XPO5: variants seen among roughly 807,000 people sequenced by gnomAD.
XPO5 encodes exportin 5.
XPO5 carries 46 observed loss-of-function variants against 160.6 expected under a neutral mutation model. The ratio of observed to expected loss-of-function variants is 0.29; its 90% CI spans 0.23 to 0.37. The LOEUF (loss-of-function observed/expected upper bound fraction) is 0.37. Ranked by LOEUF, XPO5 falls within the 10% of genes least tolerant of loss-of-function variation. XPO5 has a pLI of 1.00. For synonymous variants in XPO5, 537 were observed against 519.3 expected (o/e 1.03, Z -0.46); for missense variants, 1,090 against 1,463.9 (o/e 0.74, Z 4.17).
At chr6:43,554,018 G>C (rs889347358) in intron 13 of XPO5, among the ~76,000 whole-genome samples, 4 of 152,352 alleles carry the variant, frequency 2.6e-5, no homozygotes, top group Admixed American at 2.0e-4. Flanking sequence ...GCTATGTCTA[G>C]AGAAGGGTGC....
chr6:43,569,214 C>T (rs1762857590), intron 5 of XPO5, among the ~76,000 whole-genome samples: 1 of 151,776 alleles, frequency 6.6e-6, no homozygotes, highest in African/African-American at 2.4e-5. Flanking sequence ...ATCACTCGAA[C>T]CCGGGAGGCA....
chr6:43,548,947 G>A (rs1582223307), intron 17 of XPO5, among the ~76,000 whole-genome samples: 2 of 151,988 alleles, frequency 1.3e-5, no homozygotes, highest in African/African-American at 4.8e-5. Flanking sequence ...AGAATTATAG[G>A]GGTAAACTTA....
intron 16 of XPO5, 86 bp from the exon 17 acceptor site, chr6:43,549,664 G>A (rs1795135451): frequency 1.4e-6 from 2 of 1,455,766 alleles, no homozygotes; most frequent in South Asian, 1.3e-5. Context: ...TCTCAGTCAG[G>A]GGCAAATTCA....
chr6:43,568,224 G>A (rs574995996), intron 6 of XPO5, among the ~76,000 whole-genome samples: 5 of 152,072 alleles, frequency 3.3e-5, no homozygotes, highest in African/African-American at 9.6e-5. Context: ...GGAGAATGGC[G>A]TGAACCCAGG....
intron 14 of XPO5, among the ~76,000 whole-genome samples, chr6:43,552,657 A>G (rs1193196650): frequency 1.3e-5 from 2 of 152,178 alleles, no homozygotes; most frequent in African/African-American, 4.8e-5. Context: ...CCGGCTTATC[A>G]GCTACTTTAG....
At position 43,547,716 on chromosome 6, in the gene XPO5, T is replaced by G; in HGVS notation, c.2061-9A>C. On this transcript the variant is annotated splice_polypyrimidine_tract_variant and intron_variant, in intron 18 of 31. Transcript: ENST00000265351. ...CAACATCTGACAGCACTCTGAAGGT[T>G]GGAGGGGGAAAAACAAGTTACATCA... is the stretch of plus-strand genomic sequence containing the variant. 6.2e-7 allele frequency: 1 copy of G among 1,613,228 alleles called. No individual in the cohort carries two copies. Among genetic ancestry groups the G allele is most frequent in the Middle Eastern group, 1.6e-4 (1 of 6,062 alleles).
At chr6:43,566,811 T>TAAAAA (rs56147929) in intron 7 of XPO5, among the ~76,000 whole-genome samples, 15 of 101,628 alleles carry the variant, frequency 1.5e-4, no homozygotes, top group Non-Finnish European at 1.8e-4. Context: ...CTGTTTCAAT[T>TAAAAA]AAAAAAAAAA....
intron 21 of XPO5, 169 bp downstream of exon 21, chr6:43,533,738 G>A: frequency 2.5e-6 from 1 of 397,086 alleles, no homozygotes. Flanking sequence ...GGGAGGCTGA[G>A]GCAGGAAGAC....
chr6:43,573,818 TATA>T lies in XPO5; in HGVS notation c.106-220_106-218del, dbSNP rs1763134585. On this transcript the variant is annotated intron_variant, in intron 1 of 31. Transcript: ENST00000265351. ...CATCTCTATTAAATATATATATATATATATATTTTTTTTTTTTTTTTTTGAGAC... is the reference window on the plus strand; with the variant it reads ...CATCTCTATTAAATATATATATATATTATTTTTTTTTTTTTTTTTTGAGAC... Among the ~76,000 whole-genome samples the T allele has an allele frequency of 2.5e-5, 3 of 117,974 alleles. No homozygotes were observed. The South Asian group carries it at 8.1e-4, about 32-fold the overall frequency. 77.4% of individuals were successfully genotyped at this position (117,974 alleles called of 152,430 possible). A position where few individuals can be genotyped will look rare whatever the true frequency, so the allele number is the denominator to read the frequency against.
chr6:43,554,487 C>T (rs904502824), intron 13 of XPO5, among the ~76,000 whole-genome samples: 30 of 151,078 alleles, frequency 2.0e-4, no homozygotes, highest in African/African-American at 7.3e-4. Context: ...TGCAGTGGCA[C>T]GATCTTGGCT....
intron 20 of XPO5, among the ~76,000 whole-genome samples, chr6:43,543,881 T>A (rs1794836160): frequency 6.6e-6 from 1 of 152,128 alleles, no homozygotes; most frequent in Non-Finnish European, 1.5e-5. Flanking sequence ...TTCACCATGT[T>A]TATTGGGCTA....
rs1202717858 is a variant in XPO5, at chr6:43,562,243, T to C, written c.1011+4A>G. On this transcript the variant is annotated splice_donor_region_variant and intron_variant, in intron 9 of 31. Transcript: ENST00000265351. ...AGCTCTCCAGAAAGCAAACACTAGC[T>C]CACCAGCAATGCACACAGCTGATTG... 6.2e-7 allele frequency: 1 copy of C among 1,601,262 alleles called. No homozygotes were observed.
chr6:43,566,559 A>G (rs1762706833), intron 7 of XPO5: 2 of 323,728 alleles, frequency 6.2e-6, no homozygotes, highest in Admixed American at 3.0e-5. Context: ...CTGTAATCCC[A>G]GCACTTTAGG....
chr6:43,547,254 T>C, intron 19 of XPO5: 2 of 378,944 alleles, frequency 5.3e-6, no homozygotes, highest in South Asian at 4.5e-5. Context: ...AATCTCAGGT[T>C]TGCAAGTTAA....
At chr6:43,525,312 T>G in intron 28 of XPO5, 98 bp from the exon 29 acceptor site, 1 of 1,038,724 alleles carries the variant, frequency 9.6e-7, no homozygotes, top group Non-Finnish European at 1.4e-6. Context: ...TTTTTTTTCC[T>G]CCCCCCCTCT....
At chr6:43,565,609 AG>A (rs1762657947) in intron 8 of XPO5, 50 bp downstream of exon 8, 1 of 1,446,294 alleles carries the variant, frequency 6.9e-7, no homozygotes, top group Non-Finnish European at 9.3e-7. Context: ...CAAATAAGAT[AG>A]AAAAATGACA....
In XPO5 at chr6:43,570,330, A is replaced by AG. The variant is rs1372940614; in HGVS notation, c.621+171_621+172insC. ...CCGTCTCAAAAAAAAAAAAAAAAAA[A>AG]AAAGAAAGAAAATGAGCTCCAGTTT... On this transcript the variant is annotated intron_variant, in intron 5 of 31. Transcript: ENST00000265351. Among the ~76,000 whole-genome samples the AG allele has an allele frequency of 0.01, 1,508 of 149,734 alleles. 24 individuals carry two copies. The highest frequency in any genetic ancestry group is 0.034 in the African/African-American group (1,358 of 40,112).
At chr6:43,529,231 T>G (rs755917748) in intron 23 of XPO5, 3 of 1,397,506 alleles carry the variant, frequency 2.1e-6, no homozygotes, top group Non-Finnish European at 1.9e-6. Context: ...TCCTTCACCA[T>G]TCTCCTTATA....
intron 8 of XPO5, 84 bp downstream of exon 8, chr6:43,565,576 A>G: frequency 7.6e-7 from 1 of 1,314,662 alleles, no homozygotes; most frequent in Non-Finnish European, 1.0e-6. Flanking sequence ...AATAAAAAAA[A>G]AAAAAAGAAC....
Sources: gnomAD v4.1 joint callset for allele counts (sites outside exome capture counted in the v4.1 genomes callset) on GRCh38, gnomAD v4.1.1 for gene constraint, MANE v1.5 for transcripts, NCBI Gene and HGNC (gene_info 2026-07-23, HGNC 2026-07-21) for gene names.